Variants in KCNH5 observed in about 807,000 individuals in gnomAD.
KCNH5 encodes the protein potassium voltage-gated channel subfamily H member 5.
KCNH5 carries 46 observed loss-of-function variants against 96.1 expected under a neutral mutation model. That is an observed-to-expected ratio of 0.48 (90% CI 0.38 to 0.61). KCNH5 has a LOEUF of 0.61. KCNH5 is among the 20% of genes least tolerant of loss of function. The probability of loss-of-function intolerance (pLI) is 0.00; values close to 1 mark genes in which losing one functional copy is unlikely to be tolerated. For missense variants in KCNH5, 907 were observed against 1,225.8 expected, an observed-to-expected ratio of 0.74 and a Z score of 3.88; for synonymous variants, 439 against 449.8, an observed-to-expected ratio of 0.98 and a Z score of 0.30.
intron 10 of KCNH5, among the ~76,000 whole-genome samples, chr14:62,719,478 T>C (rs1884759115): frequency 1.3e-5 from 2 of 152,228 alleles, no homozygotes; most frequent in African/African-American, 4.8e-5. Context: ...AGGAGTTTAA[T>C]TGAGCAATGA....
rs539460613 is a variant in KCNH5, at chr14:62,754,850, G to A, written c.2019+24878C>T. Among the ~76,000 whole-genome samples the A allele has an allele frequency of 2.6e-5, 4 of 151,712 alleles. No homozygotes were observed. In the South Asian group the frequency reaches 8.3e-4, roughly 32 times the overall value. On this transcript the variant is annotated intron_variant, in intron 10 of 10. Transcript: ENST00000322893. ...AAATTGCTCCACTGCGCTCCAGCCTGGGTGACAAAGCAAGTCTCTGTCTAA... is the reference window on the plus strand; with the variant it reads ...AAATTGCTCCACTGCGCTCCAGCCTAGGTGACAAAGCAAGTCTCTGTCTAA...
At chr14:62,824,192 A>G (rs868769918) in intron 8 of KCNH5, among the ~76,000 whole-genome samples, 4 of 152,134 alleles carry the variant, frequency 2.6e-5, no homozygotes, top group South Asian at 2.1e-4. Flanking sequence ...CTGAGCAAAA[A>G]TTTCAGCAGT....
chr14:62,826,709 T>C (rs1887235570), intron 8 of KCNH5, among the ~76,000 whole-genome samples: 1 of 152,096 alleles, frequency 6.6e-6, no homozygotes, highest in Non-Finnish European at 1.5e-5. Flanking sequence ...TTACTAATGA[T>C]ATCTGTAAGA....
rs1338223579 is a variant in KCNH5 at position 62,716,996 on chromosome 14, T to TA, written c.2020-8542dup. Among the ~76,000 whole-genome samples the TA allele has an allele frequency of 2.6e-5, 4 of 152,238 alleles. No homozygotes were observed. The East Asian group carries it at 7.7e-4, about 29-fold the overall frequency. ...AAAAATCTGTTGTATTTCTATGCAC[T>TA]AGCCATGAACCATCTGAAAATGAAA... On this transcript the variant is annotated intron_variant, in intron 10 of 10. Coordinates refer to ENST00000322893, the MANE Select transcript of KCNH5 (RefSeq NM_139318.5).
chr14:62,781,663 C>G (rs574939180), intron 9 of KCNH5, among the ~76,000 whole-genome samples: 73 of 152,350 alleles, frequency 4.8e-4, no homozygotes, highest in African/African-American at 1.6e-3. Flanking sequence ...AAGAAGAGAA[C>G]TATGGCTCTG....
Position 62,970,879 on chromosome 14 carries a change from GA to G in KCNH5, c.942+9992del, listed in dbSNP as rs895299868. Among the ~76,000 whole-genome samples, 100 of 140,896 alleles carry G rather than the reference GA, an allele frequency of 7.1e-4. 1 individual carries two copies. The highest frequency in any genetic ancestry group is 1.8e-3 in the African/African-American group (69 of 38,686). 92.4% of individuals were successfully genotyped at this position (140,896 alleles called of 152,430 possible). Reference sequence around the variant, plus strand: ...GATAAAGAACATCTACCAAAAAAAAGAAAAAAAAAACCCTACAACTAACATC... The same window carrying G: ...GATAAAGAACATCTACCAAAAAAAAGAAAAAAAAACCCTACAACTAACATC... On this transcript the variant is annotated intron_variant, in intron 6 of 10. Transcript: ENST00000322893.
intron 7 of KCNH5, among the ~76,000 whole-genome samples, chr14:62,946,686 T>C (rs561250262): frequency 9.2e-5 from 14 of 152,144 alleles, no homozygotes; most frequent in African/African-American, 2.9e-4. Flanking sequence ...TGTCCTTCAA[T>C]AGATGGTGAG....
intron 1 of KCNH5, among the ~76,000 whole-genome samples, chr14:63,032,268 C>T (rs898573949): frequency 2.0e-5 from 3 of 151,990 alleles, no homozygotes; most frequent in Middle Eastern, 3.2e-3. Flanking sequence ...CCTCAAACCC[C>T]GGAACACACA....
At chr14:62,974,922 G>C (rs1890473196) in intron 6 of KCNH5, among the ~76,000 whole-genome samples, 1 of 152,174 alleles carries the variant, frequency 6.6e-6, no homozygotes, top group South Asian at 2.1e-4. Flanking sequence ...TAATCCAGCT[G>C]AGGAAACAAA....
At chr14:63,010,924 G>A (rs572616730) in intron 2 of KCNH5, among the ~76,000 whole-genome samples, 35 of 152,282 alleles carry the variant, frequency 2.3e-4, no homozygotes, top group Non-Finnish European at 4.6e-4. Context: ...GGTGTGTCTA[G>A]ACTAAAATGC....
intron 2 of KCNH5, among the ~76,000 whole-genome samples, chr14:63,015,690 C>T (rs148303957): frequency 9.6e-4 from 146 of 151,964 alleles, no homozygotes; most frequent in African/African-American, 3.3e-3. Flanking sequence ...TATCAAAATC[C>T]GTGCACACTC....
chr14:62,720,872 G>A (rs1002963427), intron 10 of KCNH5, among the ~76,000 whole-genome samples: 8 of 152,162 alleles, frequency 5.3e-5, no homozygotes, highest in Non-Finnish European at 1.0e-4. Context: ...ACAGATGCGC[G>A]TGCATGCACA....
At chr14:62,736,683 C>T (rs918733060) in intron 10 of KCNH5, among the ~76,000 whole-genome samples, 7 of 152,180 alleles carry the variant, frequency 4.6e-5, no homozygotes, top group African/African-American at 1.4e-4. Flanking sequence ...TTCCAAGCTT[C>T]TGTTAAGCCC....
At chr14:62,792,929 C>T (rs992798079) in intron 9 of KCNH5, among the ~76,000 whole-genome samples, 45 of 151,730 alleles carry the variant, frequency 3.0e-4, no homozygotes, top group Admixed American at 2.7e-3. Context: ...ATAAAGAAAA[C>T]GTGGCGTATG....
intron 9 of KCNH5, among the ~76,000 whole-genome samples, chr14:62,780,454 T>A (rs886073218): frequency 6.6e-6 from 1 of 151,926 alleles, no homozygotes; most frequent in Non-Finnish European, 1.5e-5. Flanking sequence ...CCTCTCTACC[T>A]AGTCAACCTT....
At chr14:62,994,177 A>G (rs527951363) in intron 4 of KCNH5, among the ~76,000 whole-genome samples, 101 of 152,138 alleles carry the variant, frequency 6.6e-4, no homozygotes, top group Non-Finnish European at 1.3e-3. Flanking sequence ...ACATAGTATA[A>G]TTACTCATAT....
intron 8 of KCNH5, among the ~76,000 whole-genome samples, chr14:62,828,916 A>T (rs146261962): frequency 0.01 from 1,545 of 152,256 alleles, 13 homozygotes; most frequent in Middle Eastern, 0.034. Context: ...AAAATCAAAA[A>T]CAAGTTACTG....
At chr14:62,845,947 C>G (rs963801286) in intron 8 of KCNH5, among the ~76,000 whole-genome samples, 4 of 151,916 alleles carry the variant, frequency 2.6e-5, no homozygotes, top group Non-Finnish European at 5.9e-5. Flanking sequence ...AGAAAAGGGA[C>G]GAGGCACAAG....
intron 7 of KCNH5, among the ~76,000 whole-genome samples, chr14:62,861,673 C>T (rs193097664): frequency 8.9e-4 from 133 of 148,764 alleles, no homozygotes; most frequent in African/African-American, 3.1e-3. Context: ...CACACACACA[C>T]ACGGTATAAT....
Sources: gnomAD v4.1 joint callset for allele counts (sites outside exome capture counted in the v4.1 genomes callset) on GRCh38, gnomAD v4.1.1 for gene constraint, MANE v1.5 for transcripts, NCBI Gene and HGNC (gene_info 2026-07-23, HGNC 2026-07-21) for gene names.